The following CCDC141 variants were observed in gnomAD, a reference collection of about 807,000 sequenced individuals.
CCDC141 encodes coiled-coil domain-containing protein 141.
A neutral mutation model predicts 181.0 loss-of-function variants in CCDC141; 168 were observed. That is an observed-to-expected ratio of 0.93 (90% confidence interval 0.82 to 1.05). CCDC141 has a LOEUF of 1.05. CCDC141 is among the 50% of genes least tolerant of loss of function. The probability of loss-of-function intolerance (pLI) is 0.00; values close to 1 mark genes in which losing one functional copy is unlikely to be tolerated. For synonymous variants in CCDC141, 666 were observed against 642.3 expected (o/e 1.04, Z -0.56); for missense variants, 1,902 against 1,788.5 (o/e 1.06, Z -1.14).
At chr2:178,890,894 GTT>G (rs1687117126) in intron 8 of CCDC141, among the ~76,000 whole-genome samples, 1 of 135,764 alleles carries the variant, frequency 7.4e-6, no homozygotes, top group Admixed American at 9.0e-5. Flanking sequence ...ATGCCACTTT[GTT>G]AAGTGCATTA....
At chr2:178,943,937 A>G (rs184426954) in intron 6 of CCDC141, among the ~76,000 whole-genome samples, 1 of 152,346 alleles carries the variant, frequency 6.6e-6, no homozygotes, top group African/African-American at 2.4e-5. Context: ...TAAAACTGAG[A>G]AATCTGAAGC....
At chr2:178,894,595 A>C (rs573414726) in intron 8 of CCDC141, among the ~76,000 whole-genome samples, 23 of 152,130 alleles carry the variant, frequency 1.5e-4, no homozygotes, top group Admixed American at 7.2e-4. Flanking sequence ...GACACACAAA[A>C]AAATTAGAAA....
chr2:178,861,436 G>C (rs1325363287), intron 17 of CCDC141, among the ~76,000 whole-genome samples: 1 of 152,074 alleles, frequency 6.6e-6, no homozygotes, highest in Non-Finnish European at 1.5e-5. Context: ...AGGAGTTCAA[G>C]ACCAGCCTGG....
intron 17 of CCDC141, 140 bp from the exon 18 acceptor site, chr2:178,856,537 C>T (rs72957386): frequency 2.6e-4 from 123 of 481,820 alleles, no homozygotes; most frequent in Non-Finnish European, 3.7e-4. Flanking sequence ...TCCCTCCCTC[C>T]CTCTCTCTTT....
intron 8 of CCDC141, among the ~76,000 whole-genome samples, chr2:178,902,388 T>G (rs1687742858): frequency 1.3e-5 from 2 of 152,008 alleles, no homozygotes; most frequent in African/African-American, 2.4e-5. Flanking sequence ...AAACAGCATT[T>G]TACTGGTACC....
intron 21 of CCDC141, among the ~76,000 whole-genome samples, chr2:178,847,913 A>G (rs1685008302): frequency 6.6e-6 from 1 of 152,230 alleles, no homozygotes; most frequent in South Asian, 2.1e-4. Context: ...GAGTGAGTAG[A>G]CAGCTACCAG....
At chr2:178,838,573 T>C (rs1180811118) in intron 22 of CCDC141, among the ~76,000 whole-genome samples, 1 of 152,244 alleles carries the variant, frequency 6.6e-6, no homozygotes, top group Non-Finnish European at 1.5e-5. Flanking sequence ...ATTGAGCACC[T>C]ACTGCTATAC....
chr2:178,845,825 T>C (rs999998203), intron 21 of CCDC141, 83 bp from the exon 22 acceptor site: 4 of 803,732 alleles, frequency 5.0e-6, no homozygotes, highest in East Asian at 2.5e-5. Context: ...GAAGAAAACA[T>C]AGACCACTTG....
chr2:179,050,043 A>C lies in CCDC141; in HGVS notation c.-102T>G. ...GGGTTACTTGGATTCATTCAGGGAA[A>C]GAGCTCAGCTCACACTGATTACTCT... On this transcript the variant is annotated 5_prime_UTR_variant, in exon 1 of 24. Transcript: ENST00000443758. The C allele has an allele frequency of 6.6e-7, 1 of 1,521,980 alleles. No homozygotes were observed. The highest frequency in any genetic ancestry group is 1.4e-5 in the African/African-American group (1 of 72,474). 94.3% of individuals were successfully genotyped at this position (1,521,980 alleles called of 1,614,324 possible).
At chr2:179,010,303 TC>T (rs150800479) in intron 2 of CCDC141, among the ~76,000 whole-genome samples, 342 of 152,200 alleles carry the variant, frequency 2.2e-3, no homozygotes, top group African/African-American at 7.9e-3. Flanking sequence ...ACAAAGAACA[TC>T]CAGGAAATTC....
chr2:178,888,745 C>T, intron 8 of CCDC141, 77 bp from the exon 9 acceptor site: 2 of 1,476,442 alleles, frequency 1.4e-6, no homozygotes, highest in Non-Finnish European at 1.8e-6. Flanking sequence ...GATCTGCTCT[C>T]ATGTTAGGTA....
rs4894060 is a variant in CCDC141 at position 178,887,090 on chromosome 2, T to A, written c.1408-219A>T. ...TACTTGTGGTCTACCAACAAATGTT[T>A]TATGTTGAAAGATATTTCTTTTATT... On this transcript the variant is annotated intron_variant, in intron 9 of 23. Transcript: ENST00000443758. Among the ~76,000 whole-genome samples the A allele has an allele frequency of 0.85, 130,000 of 152,210 alleles. 55,583 individuals are homozygous for A. The highest frequency in any genetic ancestry group is 0.99 in the East Asian group (5,126 of 5,188).
chr2:179,033,798 T>C (rs113900605), intron 2 of CCDC141, among the ~76,000 whole-genome samples: 7 of 152,320 alleles, frequency 4.6e-5, no homozygotes, highest in African/African-American at 1.7e-4. Context: ...ACTACAGGCC[T>C]ATGATTTCAA....
chr2:178,939,295 G>T (rs1296097524), intron 6 of CCDC141, among the ~76,000 whole-genome samples: 2 of 152,100 alleles, frequency 1.3e-5, no homozygotes, highest in Non-Finnish European at 2.9e-5. Flanking sequence ...AAATTATATA[G>T]CTGGTTCTTT....
the CCDC141 span, among the ~76,000 whole-genome samples, chr2:178,815,084 G>A: frequency 3.9e-5 from 6 of 152,270 alleles, no homozygotes; most frequent in East Asian, 1.9e-4. Context: ...TTTAATCTTC[G>A]AACTTCAAGT....
chr2:178,824,061 A>AACACACACAAACACACAC, the CCDC141 span, among the ~76,000 whole-genome samples: 2,293 of 147,510 alleles, frequency 0.016, 59 homozygotes, highest in African/African-American at 0.054. Flanking sequence ...TACAGAGAAA[A>AACACACACAAACACACAC]ACACACACAC....
At chr2:179,029,448 G>T (rs1363405502) in intron 2 of CCDC141, among the ~76,000 whole-genome samples, 1 of 152,106 alleles carries the variant, frequency 6.6e-6, no homozygotes, top group Non-Finnish European at 1.5e-5. Context: ...AATATCTAAT[G>T]CATCTAATAC....
chr2:178,993,632 C>A (rs1692155219), intron 2 of CCDC141, among the ~76,000 whole-genome samples: 1 of 152,066 alleles, frequency 6.6e-6, no homozygotes, highest in Non-Finnish European at 1.5e-5. Context: ...TATTGAAAAC[C>A]AATCATGCCT....
chr2:178,826,279 C>T (rs763362277), downstream of CCDC141, among the ~76,000 whole-genome samples: 6 of 152,086 alleles, frequency 3.9e-5, no homozygotes, highest in Non-Finnish European at 8.8e-5. Flanking sequence ...AGAACAAATC[C>T]CACGTCTTGT....
Sources: allele counts gnomAD v4.1 joint callset (sites outside exome capture counted in the v4.1 genomes callset), GRCh38; gene constraint gnomAD v4.1.1; transcripts MANE v1.5; gene names NCBI Gene and HGNC (gene_info 2026-07-23, HGNC 2026-07-21).